The following AKAP13 variants were observed in gnomAD, a reference collection of about 807,000 sequenced individuals.
The protein encoded by AKAP13 is A-kinase anchoring protein 13, also known as A-kinase anchor protein 13.
AKAP13 carries 80 observed loss-of-function variants against 264.5 expected under a neutral mutation model. The observed-to-expected ratio is 0.30, with a 90% confidence interval of 0.25 to 0.36. The LOEUF is 0.36. Ranked by LOEUF, AKAP13 falls within the 10% of genes least tolerant of loss-of-function variation. The pLI is 1.00. For missense variants in AKAP13, 3,712 were observed against 3,435.2 expected (o/e 1.08, Z -2.01); for synonymous variants, 1,380 against 1,250.2 (o/e 1.10, Z -2.19).
intron 5 of AKAP13, among the ~76,000 whole-genome samples, chr15:85,570,688 T>G (rs1414082001): frequency 6.6e-6 from 1 of 152,078 alleles, no homozygotes; most frequent in Non-Finnish European, 1.5e-5. Context: ...TACTCCTGAG[T>G]TGTGACAACC....
chr15:85,723,041 A>T, intron 25 of AKAP13, 31 bp from the exon 26 acceptor site: 1 of 1,601,954 alleles, frequency 6.2e-7, no homozygotes, highest in South Asian at 1.1e-5. Context: ...AAAAAGAGCC[A>T]TAAAAAACAG....
At chr15:85,485,974 A>G (rs1231306132) in intron 2 of AKAP13, among the ~76,000 whole-genome samples, 2 of 152,220 alleles carry the variant, frequency 1.3e-5, no homozygotes, top group Non-Finnish European at 2.9e-5. Flanking sequence ...GTAAGACTTG[A>G]GAGTTAATTT....
At chr15:85,645,416 C>T (rs1178556430) in intron 9 of AKAP13, among the ~76,000 whole-genome samples, 2 of 152,130 alleles carry the variant, frequency 1.3e-5, no homozygotes, top group African/African-American at 4.8e-5. Flanking sequence ...CAAACCCCAT[C>T]ACATAGTTGC....
intron 3 of AKAP13, among the ~76,000 whole-genome samples, chr15:85,532,013 A>G (rs2077258217): frequency 6.6e-6 from 1 of 152,216 alleles, no homozygotes; most frequent in East Asian, 1.9e-4. Context: ...TGAATAATGA[A>G]TTCTGCACCT....
At chr15:85,640,953 A>G (rs1399967682) in intron 9 of AKAP13, among the ~76,000 whole-genome samples, 1 of 152,156 alleles carries the variant, frequency 6.6e-6, no homozygotes, top group Non-Finnish European at 1.5e-5. Context: ...AGCATAAGCA[A>G]TTTAGTCTTT....
intron 3 of AKAP13, among the ~76,000 whole-genome samples, chr15:85,523,815 C>CT (rs1432109814): frequency 6.6e-6 from 1 of 151,070 alleles, no homozygotes. Context: ...CCCCGCCCCC[C>CT]TTTTTTTGTT....
intron 5 of AKAP13, among the ~76,000 whole-genome samples, chr15:85,551,424 A>C (rs11638407): frequency 0.2 from 31,151 of 152,176 alleles, 4,227 homozygotes; most frequent in Middle Eastern, 0.41. Context: ...TGCACAAGGA[A>C]ATGTAATAGC....
intron 2 of AKAP13, among the ~76,000 whole-genome samples, chr15:85,498,169 A>C (rs1346226093): frequency 1.4e-5 from 2 of 141,206 alleles, no homozygotes; most frequent in African/African-American, 5.3e-5. Flanking sequence ...TTTTACAACA[A>C]TGTGTGGTAG....
In AKAP13 at chr15:85,488,705, A is replaced by G. The variant is rs1479023323; in HGVS notation, c.33+2952A>G. On this transcript the variant is annotated intron_variant, in intron 2 of 36. Coordinates refer to ENST00000394518, the MANE Select transcript of AKAP13 (RefSeq NM_007200.5). ...CACTGCTGGCTTAGAACATGGAGGA[A>G]GGAGCCCATGAGCTACGGAATGCAG... is the stretch of plus-strand genomic sequence containing the variant. 2.0e-5 allele frequency among the ~76,000 whole-genome samples: 3 copies of G among 152,214 alleles called. No homozygotes were observed. In the East Asian group the frequency reaches 5.8e-4, roughly 29 times the overall value.
rs2071134756 is a variant in AKAP13 at position 85,396,810 on chromosome 15, A to G, written c.-12+16012A>G. On this transcript the variant is annotated intron_variant, in intron 1 of 36. Transcript: ENST00000394518. ...CTTTTATTAAGCACTTTTATATGAA[A>G]TTTGAGGTTTCTGTCAAATTAGACA... Among the ~76,000 whole-genome samples the G allele has an allele frequency of 2.0e-5, 3 of 151,924 alleles. No individual in the cohort carries two copies. In the South Asian group the frequency reaches 6.2e-4, roughly 31 times the overall value.
intron 1 of AKAP13, among the ~76,000 whole-genome samples, chr15:85,444,812 C>T (rs367562086): frequency 2.1e-4 from 32 of 152,046 alleles, no homozygotes; most frequent in Non-Finnish European, 3.5e-4. Context: ...CTTTTTGGAC[C>T]TCTTACTTCC....
intron 1 of AKAP13, among the ~76,000 whole-genome samples, chr15:85,452,716 C>T (rs915252526): frequency 6.6e-6 from 1 of 152,096 alleles, no homozygotes; most frequent in Admixed American, 6.5e-5. Flanking sequence ...GTGGACTAAA[C>T]AGTTGTTCAG....
chr15:85,501,076 A>C (rs1363519790), intron 2 of AKAP13, among the ~76,000 whole-genome samples: 1 of 152,194 alleles, frequency 6.6e-6, no homozygotes, highest in African/African-American at 2.4e-5. Context: ...TTGTTAAAGA[A>C]GGCCAGGGGT....
At chr15:85,645,298 T>C (rs953669177) in intron 9 of AKAP13, among the ~76,000 whole-genome samples, 2 of 152,246 alleles carry the variant, frequency 1.3e-5, no homozygotes, top group African/African-American at 4.8e-5. Context: ...TTCTAAATGA[T>C]AAATTTTTCC....
At chr15:85,465,963 C>T (rs1211591584) in intron 1 of AKAP13, among the ~76,000 whole-genome samples, 1 of 150,656 alleles carries the variant, frequency 6.6e-6, no homozygotes, top group Non-Finnish European at 1.5e-5. Flanking sequence ...GTTTACAGTC[C>T]CACCAACAGT....
Position 85,603,901 on chromosome 15 carries a change from T to C in AKAP13, c.4161+18078T>C, listed in dbSNP as rs2080202115. On this transcript the variant is annotated intron_variant, in intron 8 of 36. Coordinates refer to ENST00000394518, the MANE Select transcript of AKAP13 (RefSeq NM_007200.5). ...TTGCAGTGTATCTCATGTGCCTCAC[T>C]AAGTACTGCACTGGGAGCTCTGCCG... Among the ~76,000 whole-genome samples the C allele has an allele frequency of 3.3e-5, 5 of 152,212 alleles. No homozygotes were observed. The South Asian group carries it at 8.3e-4, about 25-fold the overall frequency.
chr15:85,693,765 C>T (rs1407359152), intron 17 of AKAP13, among the ~76,000 whole-genome samples: 2 of 152,088 alleles, frequency 1.3e-5, no homozygotes, highest in Non-Finnish European at 2.9e-5. Context: ...ACACTCATTT[C>T]GTTTTTCACA....
chr15:85,422,791 A>G (rs796734891), intron 1 of AKAP13, among the ~76,000 whole-genome samples: 8 of 139,844 alleles, frequency 5.7e-5, no homozygotes, highest in African/African-American at 1.9e-4. Flanking sequence ...TGACTTATTA[A>G]TATGATATTT....
rs368976721 is a variant in AKAP13, at chr15:85,416,133, A to C, written c.-12+35335A>C. Reference sequence around the variant, plus strand: ...TCTAAAATTTTGAGAGCATTAAAGAATAGGTTACTCTTTTATAATTGTAGA... The same window carrying C: ...TCTAAAATTTTGAGAGCATTAAAGACTAGGTTACTCTTTTATAATTGTAGA... On this transcript the variant is annotated intron_variant, in intron 1 of 36. Transcript: ENST00000394518. Among the ~76,000 whole-genome samples the C allele has an allele frequency of 1.4e-4, 22 of 152,376 alleles. No individual in the cohort carries two copies. In the East Asian group the frequency reaches 3.7e-3, roughly 25 times the overall value.
Sources: allele counts gnomAD v4.1 joint callset (sites outside exome capture counted in the v4.1 genomes callset), GRCh38; gene constraint gnomAD v4.1.1; transcripts MANE v1.5; gene names NCBI Gene and HGNC (gene_info 2026-07-23, HGNC 2026-07-21).